The following ERC2 variants were observed in gnomAD, a reference collection of about 807,000 sequenced individuals.
The protein encoded by ERC2 is ERC protein 2.
In ERC2, 42 loss-of-function variants were observed where a neutral mutation model predicts 114.8. The observed-to-expected ratio is 0.37, with a 90% CI of 0.29 to 0.47. The LOEUF is 0.47. Ranked by LOEUF, ERC2 falls within the 20% of genes least tolerant of loss-of-function variation. The probability of loss-of-function intolerance (pLI) is 0.99; values close to 1 mark genes in which losing one functional copy is unlikely to be tolerated. For synonymous variants in ERC2, 454 were observed against 425.5 expected, an observed-to-expected ratio of 1.07 and a Z score of -0.82; for missense variants, 939 against 1,150.7, an observed-to-expected ratio of 0.82 and a Z score of 2.66.
chr3:56,434,084 G>T, intron 2 of ERC2: 1 of 466,260 alleles, frequency 2.1e-6, no homozygotes, highest in Non-Finnish European at 3.8e-6. Flanking sequence ...AAGTACAAAA[G>T]TTAGGCAATG....
rs187892369 is a variant in ERC2, at chr3:55,998,373, A to G, written c.2062-6123T>C. 2.5e-3 allele frequency among the ~76,000 whole-genome samples: 385 copies of G among 152,238 alleles called. 2 individuals are homozygous for G. Among genetic ancestry groups the G allele is most frequent in the Non-Finnish European group, 3.7e-3 (249 of 68,014 alleles). On this transcript the variant is annotated intron_variant, in intron 10 of 17. Transcript: ENST00000288221. The stretch of plus-strand genomic sequence containing the variant: ...ATTATGGGATTTCCTAAAATTAGCA[A>G]TGTAGAGAACTGAGGTAATTATCTG...
chr3:55,744,825 T>C (rs945330726), intron 14 of ERC2, among the ~76,000 whole-genome samples: 3 of 152,234 alleles, frequency 2.0e-5, no homozygotes, highest in African/African-American at 4.8e-5. Flanking sequence ...TCCAAGAACC[T>C]GGACAACTTG....
intron 17 of ERC2, among the ~76,000 whole-genome samples, chr3:55,525,369 G>A (rs190635753): frequency 2.0e-5 from 3 of 152,304 alleles, no homozygotes; most frequent in African/African-American, 7.2e-5. Context: ...GCCAGGTCAG[G>A]GGCACAGATG....
intron 9 of ERC2, 56 bp downstream of exon 9, chr3:56,010,393 T>C (rs963164720): frequency 2.9e-5 from 45 of 1,572,452 alleles, no homozygotes; most frequent in Admixed American, 2.0e-4. Context: ...TGCAGCTTCA[T>C]TGAATATGGG....
intron 14 of ERC2, among the ~76,000 whole-genome samples, chr3:55,829,277 GCTC>G (rs1259373340): frequency 6.6e-6 from 1 of 152,160 alleles, no homozygotes; most frequent in African/African-American, 2.4e-5. Flanking sequence ...TTATAACTAT[GCTC>G]CTAAGATAAA....
chr3:55,624,835 T>A (rs980816951), intron 17 of ERC2, among the ~76,000 whole-genome samples: 7 of 152,172 alleles, frequency 4.6e-5, no homozygotes, highest in African/African-American at 1.7e-4. Context: ...AACTGAGGTT[T>A]CTACCTGGTC....
intron 17 of ERC2, among the ~76,000 whole-genome samples, chr3:55,531,118 G>C (rs981655894): frequency 3.9e-5 from 6 of 152,100 alleles, no homozygotes; most frequent in African/African-American, 1.2e-4. Flanking sequence ...CAGGCTGAGG[G>C]GAGGGAGAGC....
chr3:55,875,692 A>T (rs565443713), intron 14 of ERC2, among the ~76,000 whole-genome samples: 46 of 114,988 alleles, frequency 4.0e-4, no homozygotes, highest in African/African-American at 1.5e-3. Flanking sequence ...AAACTCATTC[A>T]CACACACACA....
At chr3:56,169,316 A>G (rs941874147) in intron 4 of ERC2, among the ~76,000 whole-genome samples, 3 of 152,236 alleles carry the variant, frequency 2.0e-5, no homozygotes, top group African/African-American at 7.2e-5. Flanking sequence ...TTCCCAAAGA[A>G]TATCATTTAA....
At chr3:56,040,801 GA>G (rs2075146810) in intron 7 of ERC2, among the ~76,000 whole-genome samples, 4 of 136,566 alleles carry the variant, frequency 2.9e-5, no homozygotes, top group Non-Finnish European at 6.4e-5. Context: ...GATATATATA[GA>G]GAGATACATA....
chr3:56,308,496 G>A (rs1471008251), intron 2 of ERC2, among the ~76,000 whole-genome samples: 8 of 152,110 alleles, frequency 5.3e-5, no homozygotes, highest in Non-Finnish European at 1.2e-4. Flanking sequence ...CTAAAACACA[G>A]AAAGGTAACT....
At chr3:56,123,613 T>C (rs2079709601) in intron 6 of ERC2, among the ~76,000 whole-genome samples, 1 of 152,066 alleles carries the variant, frequency 6.6e-6, no homozygotes, top group Non-Finnish European at 1.5e-5. Context: ...CTGTCACTCC[T>C]CACCAGGATG....
intron 6 of ERC2, among the ~76,000 whole-genome samples, chr3:56,138,296 G>A (rs546105243): frequency 8.5e-5 from 13 of 152,216 alleles, no homozygotes; most frequent in African/African-American, 2.2e-4. Flanking sequence ...TCCTGACCTC[G>A]TGATCCACCC....
rs569853598 is a variant in ERC2 at position 55,833,694 on chromosome 3, G to A, written c.2564+54695C>T. Among the ~76,000 whole-genome samples the A allele has an allele frequency of 9.3e-4, 142 of 152,272 alleles. 1 individual carries two copies. The highest frequency in any genetic ancestry group is 3.3e-3 in the African/African-American group (137 of 41,540). On this transcript the variant is annotated intron_variant, in intron 14 of 17. Coordinates refer to ENST00000288221, the MANE Select transcript of ERC2 (RefSeq NM_015576.3). ...AGACCATCGAGGCTAGGAAGAAACT[G>A]CATCAACTAACGAGCAAAATCACCA...
intron 3 of ERC2, among the ~76,000 whole-genome samples, chr3:56,269,586 A>C (rs563599470): frequency 3.9e-5 from 6 of 152,336 alleles, no homozygotes; most frequent in African/African-American, 1.4e-4. Context: ...AACTAGGGGA[A>C]AAAAACACAA....
At chr3:55,768,704 G>A (rs2067989357) in intron 14 of ERC2, among the ~76,000 whole-genome samples, 2 of 152,186 alleles carry the variant, frequency 1.3e-5, no homozygotes. Context: ...TGTGAGGCAA[G>A]TATGAGCTTA....
chr3:56,369,108 G>T (rs1291337175), intron 2 of ERC2, among the ~76,000 whole-genome samples: 1 of 152,148 alleles, frequency 6.6e-6, no homozygotes, highest in Admixed American at 6.5e-5. Flanking sequence ...TCTAATTCTG[G>T]TTTTGTTTTT....
intron 14 of ERC2, among the ~76,000 whole-genome samples, chr3:55,843,442 T>C (rs1466329992): frequency 6.6e-6 from 1 of 152,176 alleles, no homozygotes; most frequent in Non-Finnish European, 1.5e-5. Context: ...AAATATTGAA[T>C]GATATTGATA....
chr3:55,728,352 A>G (rs2065046210), intron 15 of ERC2, among the ~76,000 whole-genome samples: 1 of 152,206 alleles, frequency 6.6e-6, no homozygotes, highest in South Asian at 2.1e-4. Context: ...TGGATAATAC[A>G]TGTGCTCAAA....
Sources: allele counts gnomAD v4.1 joint callset (sites outside exome capture counted in the v4.1 genomes callset), GRCh38; gene constraint gnomAD v4.1.1; transcripts MANE v1.5; gene names NCBI Gene and HGNC (gene_info 2026-07-23, HGNC 2026-07-21).